Variants in NOS1 observed in about 807,000 individuals in gnomAD.
NOS1 encodes NOS type I.
In NOS1, 51 loss-of-function variants were observed where a neutral mutation model predicts 164.5. The observed-to-expected ratio is 0.31, with a 90% CI of 0.25 to 0.39. The LOEUF is 0.39. NOS1 is among the 10% of genes least tolerant of loss of function. The pLI, the probability that NOS1 is intolerant of heterozygous loss-of-function variation, is 1.00. For missense variants in NOS1, 1,362 were observed against 1,885.6 expected (o/e 0.72, Z 5.14); for synonymous variants, 719 against 745.8 (o/e 0.96, Z 0.59).
chr12:117,235,534 G>A (rs1332180376), intron 20 of NOS1, among the ~76,000 whole-genome samples: 1 of 152,062 alleles, frequency 6.6e-6, no homozygotes, highest in Non-Finnish European at 1.5e-5. Context: ...AAGGAAAAAA[G>A]ACTTGGCTTT....
Position 117,213,534 on chromosome 12 carries a change from A to C in NOS1, c.*1775T>G. The C allele has an allele frequency of 3.0e-6, 3 of 985,478 alleles. No homozygotes were observed. Among genetic ancestry groups the C allele is most frequent in the Non-Finnish European group, 3.6e-6 (3 of 829,962 alleles). 61.0% of individuals were successfully genotyped at this position (985,478 alleles called of 1,614,324 possible). A position where few individuals can be genotyped will look rare whatever the true frequency, so the allele number is the denominator to read the frequency against. On this transcript the variant is annotated 3_prime_UTR_variant, in exon 29 of 29. Transcript: ENST00000317775. Reference sequence around the variant, plus strand: ...GGGATGGCAGAGCAAGGTGAGTCATAGATTGCCTTTTCACTTTAACAGTCT... The same window carrying C: ...GGGATGGCAGAGCAAGGTGAGTCATCGATTGCCTTTTCACTTTAACAGTCT...
chr12:117,236,658 C>T (rs994534123), intron 20 of NOS1, among the ~76,000 whole-genome samples: 15 of 152,144 alleles, frequency 9.9e-5, no homozygotes, highest in Admixed American at 9.2e-4. Flanking sequence ...GAAGCCGGGG[C>T]CAGCAGGGGG....
chr12:117,358,078 C>T (rs903577679), intron 1 of NOS1, among the ~76,000 whole-genome samples: 1 of 152,224 alleles, frequency 6.6e-6, no homozygotes, highest in Admixed American at 6.5e-5. Flanking sequence ...ACCTGAGTGA[C>T]AGGCAACACA....
chr12:117,322,797 CCCTCCTTCCCTCCCTT>C (rs1361961573), intron 2 of NOS1, among the ~76,000 whole-genome samples: 8 of 142,614 alleles, frequency 5.6e-5, no homozygotes, highest in Non-Finnish European at 9.2e-5. Context: ...TTCCTTCCTT[CCCTCCTTCCCTCCCTT>C]CCTCCTTCCC....
rs759161079 is a variant in NOS1 at position 117,278,046 on chromosome 12, G to A, written c.1577C>T (p.Pro526Leu). The A allele has an allele frequency of 1.9e-6, 3 of 1,614,018 alleles. No individual in the cohort carries two copies. Among genetic ancestry groups the A allele is most frequent in the African/African-American group, 1.3e-5 (1 of 75,040 alleles). ...KPPRGRFDVL[P>L]LLLQANGNDP... ...ATTGCCGTTGGCCTGAAGCAGGAGCGGCAGGACATCGAAGCGGCCTCTAGG... is the reference window on the plus strand; with the variant it reads ...ATTGCCGTTGGCCTGAAGCAGGAGCAGCAGGACATCGAAGCGGCCTCTAGG... Residue 526 changes from proline (P) to leucine (L), a missense_variant, in exon 9 of 29, where the codon CCG (proline) becomes CTG (leucine). Pro to Leu is a moderately conservative substitution (Grantham distance 98, BLOSUM62 -3). Transcript: ENST00000317775.
chr12:117,348,364 T>C (rs1218616778), intron 1 of NOS1: 3 of 152,172 alleles, frequency 2.0e-5, no homozygotes, highest in Non-Finnish European at 4.4e-5. Flanking sequence ...GTCAAGGGCT[T>C]CAGCATCTTG....
chr12:117,216,841 C>A (rs1196338680), intron 28 of NOS1, among the ~76,000 whole-genome samples: 2 of 152,102 alleles, frequency 1.3e-5, no homozygotes, highest in Non-Finnish European at 2.9e-5. Flanking sequence ...GTCTACTGGC[C>A]ACGACAGTAT....
At chr12:117,341,750 C>G (rs1437435041) in intron 1 of NOS1, among the ~76,000 whole-genome samples, 1 of 152,156 alleles carries the variant, frequency 6.6e-6, no homozygotes, top group East Asian at 1.9e-4. Flanking sequence ...GTTTGTGACC[C>G]ACCTCTGCTG....
intron 9 of NOS1, among the ~76,000 whole-genome samples, chr12:117,274,437 G>A (rs1401244917): frequency 6.6e-6 from 1 of 152,098 alleles, no homozygotes; most frequent in Admixed American, 6.6e-5. Context: ...GAACTACCAC[G>A]AGATCCAGCA....
At position 117,243,164 on chromosome 12, in the gene NOS1, C is replaced by A; in HGVS notation, c.2962+133G>T. On this transcript the variant is annotated intron_variant, in intron 19 of 28. Coordinates refer to ENST00000317775, the MANE Select transcript of NOS1 (RefSeq NM_000620.5). The surrounding 1 kb of genome is among the most constrained non-coding windows in gnomAD (Gnocchi z 4.3). ...GAGTGTGGGAGAGCAGCAAAGTATT[C>A]ATTTTGGTAGGACTGCACTAAAGGG... is the stretch of plus-strand genomic sequence containing the variant. 9.5e-7 allele frequency: 1 copy of A among 1,050,740 alleles called. No individual in the cohort carries two copies. Among genetic ancestry groups the A allele is most frequent in the South Asian group, 1.6e-5 (1 of 61,630 alleles). The allele number at this position is 1,050,740 out of a possible 1,614,324, so 65.1% of individuals were successfully genotyped here. A position where few individuals can be genotyped will look rare whatever the true frequency, so the allele number is the denominator to read the frequency against.
chr12:117,258,153 T>C (rs1038462326), intron 16 of NOS1, among the ~76,000 whole-genome samples: 2 of 152,168 alleles, frequency 1.3e-5, no homozygotes, highest in African/African-American at 4.8e-5. Flanking sequence ...AATTAGAAAG[T>C]CAAGGTAGGT....
At chr12:117,336,872 C>T (rs1390619978) in intron 1 of NOS1, among the ~76,000 whole-genome samples, 1 of 152,106 alleles carries the variant, frequency 6.6e-6, no homozygotes, top group Non-Finnish European at 1.5e-5. Context: ...TCTTGGCTCA[C>T]TGCAGCCTCC....
intron 3 of NOS1, among the ~76,000 whole-genome samples, chr12:117,306,636 T>G (rs1469246573): frequency 6.6e-6 from 1 of 151,928 alleles, no homozygotes. Flanking sequence ...TTTTTTTTTT[T>G]TCAGATGGAG....
In NOS1 at chr12:117,286,221, T is replaced by C; in HGVS notation, c.1173A>G (p.Lys391=). ...AHMERLEEVN[K]EIDTTSTYQL... The stretch of plus-strand genomic sequence containing the variant: ...GGTAAGTGCTAGTGGTGTCGATCTC[T>C]TTGTTCACCTCTTCCAGCCTTTCCA... Residue 391 remains lysine, a synonymous_variant, in exon 6 of 29, where the codon AAA becomes AAG. Transcript: ENST00000317775. 1.2e-6 allele frequency: 2 copies of C among 1,614,110 alleles called. No homozygotes were observed. Among genetic ancestry groups the C allele is most frequent in the Non-Finnish European group, 1.7e-6 (2 of 1,180,018 alleles).
At chr12:117,345,185 G>A (rs1175926492) in intron 1 of NOS1, among the ~76,000 whole-genome samples, 1 of 151,936 alleles carries the variant, frequency 6.6e-6, no homozygotes, top group African/African-American at 2.4e-5. Flanking sequence ...ACGCCTGCCA[G>A]CTAATTTTTA....
intron 17 of NOS1, among the ~76,000 whole-genome samples, chr12:117,247,950 AAAAAAAAAAAG>A (rs1436808333): frequency 1.2e-3 from 176 of 150,978 alleles, no homozygotes; most frequent in African/African-American, 4.2e-3. Context: ...CGTCTAAAAA[AAAAAAAAAAAG>A]AAAAGAAAAA....
intron 17 of NOS1, among the ~76,000 whole-genome samples, chr12:117,252,118 G>A (rs816347): frequency 0.076 from 11,500 of 152,146 alleles, 472 homozygotes; most frequent in East Asian, 0.078. Flanking sequence ...TATTACGTAG[G>A]TACTTACAAA....
Position 117,258,414 on chromosome 12 carries a change from A to G in NOS1, c.2514T>C (p.Ser838=). 6.2e-7 allele frequency: 1 copy of G among 1,614,166 alleles called. No homozygotes were observed. The highest frequency in any genetic ancestry group is 8.5e-7 in the Non-Finnish European group (1 of 1,180,030). The change falls in exon 16 of 29, where the codon TCT becomes TCC. Residue 838 remains serine, a synonymous_variant. Transcript: ENST00000317775. The stretch of plus-strand genomic sequence containing the variant: ...TCACTTACTTCCTTTCTTCCTGCAC[A>G]GAGTTGGGGTGCCTCATTTCCATCA... ...CALMEMRHPN[S]VQEERKSYKV...
intron 16 of NOS1, 30 bp from the exon 17 acceptor site, chr12:117,253,784 C>T: frequency 6.5e-7 from 1 of 1,526,774 alleles, no homozygotes; most frequent in South Asian, 1.1e-5. Flanking sequence ...CCTGTGAGCT[C>T]TGGCCTGGAG....
Sources: allele counts gnomAD v4.1 joint callset (sites outside exome capture counted in the v4.1 genomes callset), GRCh38; gene constraint gnomAD v4.1.1; non-coding constraint Gnocchi (gnomAD v3.1); transcripts MANE v1.5; gene names NCBI Gene and HGNC (gene_info 2026-07-23, HGNC 2026-07-21).